GIN1: variants seen among roughly 807,000 people sequenced by gnomAD.
The protein encoded by GIN1 is gypsy retrotransposon integrase-like protein 1.
GIN1 carries 41 observed loss-of-function variants against 51.4 expected under a neutral mutation model. The ratio of observed to expected loss-of-function variants is 0.80; its 90% CI spans 0.62 to 1.04. The LOEUF is 1.04. Ranked by LOEUF, GIN1 falls within the 50% of genes least tolerant of loss-of-function variation. The probability of loss-of-function intolerance (pLI) is 0.00; values close to 1 mark genes in which losing one functional copy is unlikely to be tolerated. For synonymous variants in GIN1, 222 were observed against 206.5 expected (o/e 1.07, Z -0.64); for missense variants, 610 against 612.4 (o/e 1.00, Z 0.04).
chr5:103,090,023 T>C (rs34797), intron 7 of GIN1, among the ~76,000 whole-genome samples: 37,416 of 152,036 alleles, frequency 0.25, 5,158 homozygotes, highest in East Asian at 0.45. Flanking sequence ...AGGCAGTGGC[T>C]CATGCCTGTA....
intron 1 of GIN1, among the ~76,000 whole-genome samples, chr5:103,119,857 G>A (rs1423993171): frequency 5.9e-5 from 9 of 152,170 alleles, no homozygotes; most frequent in Admixed American, 1.3e-4. Flanking sequence ...GCCCGAAACA[G>A]CACTCGCCCT....
At chr5:103,100,496 A>G (rs1554195667) in intron 4 of GIN1, among the ~76,000 whole-genome samples, 1 of 152,018 alleles carries the variant, frequency 6.6e-6, no homozygotes, top group African/African-American at 2.4e-5. Flanking sequence ...GGCTTAAGCA[A>G]TCCTTACACG....
chr5:103,112,798 C>T (rs777037430), intron 1 of GIN1, among the ~76,000 whole-genome samples: 4 of 152,122 alleles, frequency 2.6e-5, no homozygotes, highest in African/African-American at 9.6e-5. Context: ...ATCCATATAA[C>T]CTTGAATTTG....
intron 1 of GIN1, among the ~76,000 whole-genome samples, chr5:103,118,099 T>C (rs550782808): frequency 2.0e-5 from 3 of 152,290 alleles, no homozygotes; most frequent in Admixed American, 6.5e-5. Context: ...CACTCAACTA[T>C]TTGTGAATGA....
chr5:103,095,219 A>T (rs1554194885), intron 7 of GIN1, among the ~76,000 whole-genome samples: 1 of 152,212 alleles, frequency 6.6e-6, no homozygotes, highest in Non-Finnish European at 1.5e-5. Context: ...GTTACTCATT[A>T]ACTCTCTCTC....
rs1583114456 is a variant in GIN1, at chr5:103,096,554, T to A, written c.1281A>T (p.Glu427Asp). 1 of 1,605,734 alleles carries A rather than the reference T, an allele frequency of 6.2e-7. No homozygotes were observed. Among genetic ancestry groups the A allele is most frequent in the Middle Eastern group, 1.7e-4 (1 of 6,014 alleles). The stretch of plus-strand genomic sequence containing the variant: ...ACAGATATTTACCTTGTTCACTGGA[T>A]TCTCTTATGTAGGGCTTAAGGTGGG... ...KMSHLKPYIR[E>D]SSEQESLYLL... Residue 427 changes from glutamate (E) to aspartate (D), a missense_variant, in exon 7 of 8, where the codon GAA becomes GAT. By Grantham distance (45) the Glu-to-Asp change is conservative. Coordinates refer to ENST00000399004, the MANE Select transcript of GIN1 (RefSeq NM_017676.2).
At chr5:103,106,616 T>G (rs1207796591) in intron 3 of GIN1, 100 bp downstream of exon 3, 9 of 673,370 alleles carry the variant, frequency 1.3e-5, no homozygotes, top group African/African-American at 1.9e-5. Flanking sequence ...CAAAAATACT[T>G]AATGAGAGGT....
chr5:103,103,994 C>T (rs1787648857), intron 4 of GIN1, among the ~76,000 whole-genome samples: 1 of 152,028 alleles, frequency 6.6e-6, no homozygotes. Context: ...CGCTCTGTCG[C>T]TCAGGCTGGA....
intron 1 of GIN1, among the ~76,000 whole-genome samples, chr5:103,112,920 A>G (rs555185054): frequency 1.3e-5 from 2 of 152,182 alleles, no homozygotes; most frequent in African/African-American, 4.8e-5. Context: ...AATGAGAGGA[A>G]AAGAGGAGGA....
chr5:103,092,945 C>CA (rs5870040), intron 7 of GIN1, among the ~76,000 whole-genome samples: 31,788 of 59,972 alleles, frequency 0.53, 7,728 homozygotes, highest in Middle Eastern at 0.6. Flanking sequence ...GAACCTGTCT[C>CA]AAAAAAAAAA....
rs373024811 is a variant in GIN1, at chr5:103,104,612, T to A, written c.568A>T (p.Ile190Phe). 2.5e-6 allele frequency: 4 copies of A among 1,572,614 alleles called. No homozygotes were observed. Among genetic ancestry groups the A allele is most frequent in the African/African-American group, 1.3e-5 (1 of 74,096 alleles). ...GGTCCATATAAGAAAAATATATTGATAATAGCTTTAGAAACTTCTGATGCT... is the reference window on the plus strand; with the variant it reads ...GGTCCATATAAGAAAAATATATTGAAAATAGCTTTAGAAACTTCTGATGCT... ...VSASEVSKAIINIFFLYGPPQ... is the reference protein window; with the variant it reads ...VSASEVSKAIFNIFFLYGPPQ... Residue 190 changes from isoleucine (I) to phenylalanine (F), a missense_variant, in exon 4 of 8, where the codon ATC becomes TTC. Physicochemically the swap from Ile to Phe is conservative, Grantham distance 21. Transcript: ENST00000399004.
chr5:103,114,784 T>C (rs910206448), intron 1 of GIN1, among the ~76,000 whole-genome samples: 4 of 152,176 alleles, frequency 2.6e-5, no homozygotes, highest in Non-Finnish European at 5.9e-5. Flanking sequence ...CCCAAATATA[T>C]TGTAAATCTT....
At position 103,119,633 on chromosome 5, in the gene GIN1, G is replaced by T. The variant is rs186149885; in HGVS notation, c.-8+431C>A. Among the ~76,000 whole-genome samples, 3 of 152,212 alleles carry T rather than the reference G, an allele frequency of 2.0e-5. No homozygotes were observed. In the East Asian group the frequency reaches 5.8e-4, roughly 29 times the overall value. ...TCCCCGCCACGTATTTAAATTTGGG[G>T]CAAAATTTCTGATTAAATGACTGAT... On this transcript the variant is annotated intron_variant, in intron 1 of 7. Coordinates refer to ENST00000399004, the MANE Select transcript of GIN1 (RefSeq NM_017676.2).
intron 4 of GIN1, 141 bp downstream of exon 4, chr5:103,104,400 T>C: frequency 1.8e-6 from 1 of 550,586 alleles, no homozygotes; most frequent in East Asian, 2.9e-5. Context: ...ATCCTTGTAG[T>C]ATTTAATATC....
chr5:103,105,995 T>A (rs1202810796), intron 3 of GIN1, among the ~76,000 whole-genome samples: 3 of 152,170 alleles, frequency 2.0e-5, no homozygotes, highest in African/African-American at 7.2e-5. Context: ...ATTATACTTA[T>A]GAAATTTTGG....
chr5:103,099,120 G>A (rs1787493508), intron 4 of GIN1, among the ~76,000 whole-genome samples: 1 of 151,866 alleles, frequency 6.6e-6, no homozygotes, highest in African/African-American at 2.4e-5. Context: ...AATACAAGAG[G>A]GGAAAGCAAT....
chr5:103,102,695 T>G (rs1787608163), intron 4 of GIN1: 1 of 152,102 alleles, frequency 6.6e-6, no homozygotes, highest in Non-Finnish European at 1.5e-5. Flanking sequence ...GTGGATCATG[T>G]GAGTTCAGGA....
chr5:103,112,676 G>A (rs1349590492), intron 1 of GIN1, among the ~76,000 whole-genome samples: 1 of 152,122 alleles, frequency 6.6e-6, no homozygotes, highest in Non-Finnish European at 1.5e-5. Flanking sequence ...TCTCAATGAA[G>A]CAAGTGTTCC....
At chr5:103,116,998 T>C (rs1331320902) in intron 1 of GIN1, among the ~76,000 whole-genome samples, 2 of 152,146 alleles carry the variant, frequency 1.3e-5, no homozygotes, top group African/African-American at 4.8e-5. Flanking sequence ...CAATTTCTTA[T>C]AAAGTTAAAC....
Sources: allele counts gnomAD v4.1 joint callset (sites outside exome capture counted in the v4.1 genomes callset), GRCh38; gene constraint gnomAD v4.1.1; transcripts MANE v1.5; gene names NCBI Gene and HGNC (gene_info 2026-07-23, HGNC 2026-07-21).